Variants in ARHGEF3 observed in about 807,000 individuals in gnomAD.
The protein encoded by ARHGEF3 is Rho guanine nucleotide exchange factor 3, also known as 59.8 kDA protein.
Under a neutral mutation model 63.2 loss-of-function variants are expected in ARHGEF3, and 28 were observed. That is an observed-to-expected ratio of 0.44 (90% CI 0.33 to 0.61). The LOEUF is 0.61. Among genes scored for constraint, ARHGEF3 ranks in the 20% least tolerant of loss-of-function variants. The pLI is 0.03. For missense variants in ARHGEF3, 533 were observed against 659.3 expected (o/e 0.81, Z 2.10); for synonymous variants, 266 against 254.2 (o/e 1.05, Z -0.44).
intron 4 of ARHGEF3, among the ~76,000 whole-genome samples, chr3:56,850,365 C>T (rs112476557): frequency 6.6e-6 from 1 of 151,998 alleles, no homozygotes; most frequent in Non-Finnish European, 1.5e-5. Flanking sequence ...CTTGTCTCTA[C>T]TAAAAATACA....
intron 3 of ARHGEF3, among the ~76,000 whole-genome samples, chr3:56,918,572 G>A (rs2042043476): frequency 4.5e-5 from 1 of 22,438 alleles, no homozygotes; most frequent in South Asian, 2.9e-3. Flanking sequence ...GGAAAGGGAT[G>A]CAAGCCTGCA....
Position 56,873,854 on chromosome 3 carries a change from C to T in ARHGEF3, c.192+8438G>A, listed in dbSNP as rs559736711. 3.9e-5 allele frequency among the ~76,000 whole-genome samples: 6 copies of T among 152,322 alleles called. No homozygotes were observed. In the South Asian group the frequency reaches 1.2e-3, roughly 32 times the overall value. On this transcript the variant is annotated intron_variant, in intron 4 of 12. Transcript: ENST00000338458. ...AATTCTGGTGATAAATCCCAACAAA[C>T]AGGTGTTCTGGGGCACAAGCACCTT...
chr3:56,927,119 G>A (rs954997190), intron 3 of ARHGEF3, among the ~76,000 whole-genome samples: 4 of 152,338 alleles, frequency 2.6e-5, no homozygotes, highest in Admixed American at 6.5e-5. Flanking sequence ...CACTTAATGC[G>A]TGACCCCTGA....
intron 2 of ARHGEF3, among the ~76,000 whole-genome samples, chr3:56,968,204 A>ATATAATATAT (rs1491351857): frequency 1.5e-4 from 3 of 20,046 alleles, no homozygotes; most frequent in Non-Finnish European, 3.8e-4. Flanking sequence ...TATAATATAT[A>ATATAATATAT]AAAATATATA....
chr3:57,018,856 C>T (rs1455402483), intron 2 of ARHGEF3, among the ~76,000 whole-genome samples: 1 of 152,138 alleles, frequency 6.6e-6, no homozygotes, highest in Admixed American at 6.5e-5. Flanking sequence ...CATCGAGCTT[C>T]AGGGAAGTTA....
chr3:56,992,017 CCT>C (rs569120713), intron 2 of ARHGEF3, among the ~76,000 whole-genome samples: 4 of 130,738 alleles, frequency 3.1e-5, no homozygotes, highest in East Asian at 2.2e-4. Flanking sequence ...TCTCTCCCCT[CCT>C]CTCTCTGTGT....
chr3:56,850,548 A>T (rs1248965750), intron 4 of ARHGEF3, among the ~76,000 whole-genome samples: 2 of 152,152 alleles, frequency 1.3e-5, no homozygotes, highest in African/African-American at 2.4e-5. Flanking sequence ...AAAACAAAAC[A>T]AAAGTTGGTT....
chr3:56,878,995 T>A (rs1415873621), intron 4 of ARHGEF3, among the ~76,000 whole-genome samples: 1 of 152,214 alleles, frequency 6.6e-6, no homozygotes, highest in Non-Finnish European at 1.5e-5. Context: ...ATGCAAGGGA[T>A]CTAGGTTTTG....
At chr3:57,045,558 C>A (rs1704417305) in intron 1 of ARHGEF3, among the ~76,000 whole-genome samples, 1 of 152,154 alleles carries the variant, frequency 6.6e-6, no homozygotes, top group South Asian at 2.1e-4. Context: ...GCAATAGAGG[C>A]CTTTTCATAT....
intron 4 of ARHGEF3, among the ~76,000 whole-genome samples, chr3:56,827,781 G>A (rs797016644): frequency 1.0e-3 from 115 of 113,414 alleles, no homozygotes; most frequent in Middle Eastern, 4.9e-3. Flanking sequence ...AAACAGAAAA[G>A]AAAAAAAAAA....
At position 57,059,862 on chromosome 3, in the gene ARHGEF3, G is replaced by A. The variant is rs1031405810; in HGVS notation, c.-28+19364C>T. On this transcript the variant is annotated intron_variant, in intron 1 of 12. Transcript: ENST00000338458. ...AAATACAAAAGTAGCCAGGCATGGT[G>A]GCACATGCCTGTAATCCCAGCTACT... 1.2e-4 allele frequency among the ~76,000 whole-genome samples: 19 copies of A among 152,236 alleles called. No individual in the cohort carries two copies. The South Asian group carries it at 3.9e-3, about 32-fold the overall frequency.
At chr3:56,981,002 G>A (rs1003933153) in intron 2 of ARHGEF3, among the ~76,000 whole-genome samples, 1 of 152,146 alleles carries the variant, frequency 6.6e-6, no homozygotes, top group African/African-American at 2.4e-5. Flanking sequence ...TCACTCCCAA[G>A]CCTTCCACCA....
chr3:57,041,251 G>C (rs1579149566), intron 1 of ARHGEF3, among the ~76,000 whole-genome samples: 1 of 152,190 alleles, frequency 6.6e-6, no homozygotes, highest in Non-Finnish European at 1.5e-5. Context: ...ATATGCACCA[G>C]ACTCAGTGCT....
At chr3:57,073,526 G>GT in intron 1 of ARHGEF3, 2 of 1,129,978 alleles carry the variant, frequency 1.8e-6, no homozygotes, top group Admixed American at 3.0e-5. Context: ...GTGGGGTTTG[G>GT]CTCTGTTTGA....
intron 4 of ARHGEF3, among the ~76,000 whole-genome samples, chr3:56,861,576 CTT>C (rs1200106791): frequency 1.3e-5 from 2 of 152,140 alleles, no homozygotes; most frequent in South Asian, 2.1e-4. Flanking sequence ...GATTTTCTCT[CTT>C]GATACATTTA....
chr3:56,904,734 G>A (rs1161820359), intron 3 of ARHGEF3, among the ~76,000 whole-genome samples: 3 of 152,206 alleles, frequency 2.0e-5, no homozygotes, highest in African/African-American at 7.2e-5. Flanking sequence ...TATTTATGTC[G>A]TCAGTACCCT....
rs116740343 is a variant in ARHGEF3, at chr3:56,830,782, C to T, written c.192+51510G>A. On this transcript the variant is annotated intron_variant, in intron 4 of 12. Coordinates refer to the ARHGEF3 transcript ENST00000338458. The stretch of plus-strand genomic sequence containing the variant: ...TGTTGCCAGGCCAGGACATTTGTGC[C>T]GGCTGTTTCCTCTGCCACCAAATCT... 3.4e-3 allele frequency among the ~76,000 whole-genome samples: 520 copies of T among 152,258 alleles called. 3 individuals carry two copies. The highest frequency in any genetic ancestry group is 0.012 in the African/African-American group (497 of 41,556).
intron 3 of ARHGEF3, chr3:56,940,746 C>G (rs1006521702): frequency 6.6e-6 from 1 of 152,192 alleles, no homozygotes; most frequent in Admixed American, 6.5e-5. Flanking sequence ...ACAGTCATCT[C>G]AGGAATAAAG....
chr3:56,865,877 C>G (rs56033961), intron 4 of ARHGEF3, among the ~76,000 whole-genome samples: 12,900 of 152,194 alleles, frequency 0.085, 796 homozygotes, highest in Admixed American at 0.21. Flanking sequence ...GTTTATAACC[C>G]ACCCAGGCTA....
Sources: gnomAD v4.1 joint callset for allele counts (sites outside exome capture counted in the v4.1 genomes callset) on GRCh38, gnomAD v4.1.1 for gene constraint, MANE v1.5 for transcripts, NCBI Gene and HGNC (gene_info 2026-07-23, HGNC 2026-07-21) for gene names.